The following ADK variants were observed in gnomAD, a reference collection of about 807,000 sequenced individuals.
ADK encodes adenosine kinase, also known as N6,N6-dimethyladenosine kinase.
In ADK, 24 loss-of-function variants were observed where a neutral mutation model predicts 44.7. That is an observed-to-expected ratio of 0.54 (90% CI 0.39 to 0.76). ADK has a LOEUF of 0.76. Ranked by LOEUF, ADK falls within the 30% of genes least tolerant of loss-of-function variation. ADK has a pLI of 0.00. For missense variants in ADK, 321 were observed against 425.1 expected, an observed-to-expected ratio of 0.76 and a Z score of 2.15; for synonymous variants, 128 against 142.6, an observed-to-expected ratio of 0.90 and a Z score of 0.73.
At chr10:74,376,302 G>A (rs1842818145) in intron 4 of ADK, among the ~76,000 whole-genome samples, 1 of 151,924 alleles carries the variant, frequency 6.6e-6, no homozygotes, top group Admixed American at 6.6e-5. Flanking sequence ...GAATTTGTAG[G>A]TTCTTTAGGA....
intron 4 of ADK, chr10:74,371,870 C>G: frequency 7.0e-7 from 1 of 1,437,820 alleles, no homozygotes; most frequent in Non-Finnish European, 9.7e-7. Flanking sequence ...CTAACCACAT[C>G]CAGGCAGCCT....
At chr10:74,658,602 G>A (rs7091300) in intron 9 of ADK, among the ~76,000 whole-genome samples, 122,038 of 151,752 alleles carry the variant, frequency 0.8, 49,423 homozygotes, top group African/African-American at 0.89. Flanking sequence ...TGCCCGGCTG[G>A]CTTTTAATTT....
chr10:74,424,529 C>T (rs1844713578), intron 6 of ADK, among the ~76,000 whole-genome samples: 1 of 86,814 alleles, frequency 1.2e-5, no homozygotes. Context: ...GAGCAAAACT[C>T]CGTCTCAAAA....
intron 3 of ADK, among the ~76,000 whole-genome samples, chr10:74,226,343 G>A (rs867238733): frequency 2.2e-4 from 33 of 152,140 alleles, no homozygotes; most frequent in Admixed American, 4.6e-4. Flanking sequence ...CTGACCTCAA[G>A]CGATCCACCC....
intron 1 of ADK, among the ~76,000 whole-genome samples, chr10:74,192,290 C>T (rs12415222): frequency 0.02 from 2,973 of 151,894 alleles, 45 homozygotes; most frequent in Non-Finnish European, 0.026. Flanking sequence ...TGCAGTGCCG[C>T]GATCTTGGCT....
intron 7 of ADK, among the ~76,000 whole-genome samples, chr10:74,531,731 T>C (rs558386403): frequency 1.3e-5 from 2 of 152,176 alleles, no homozygotes; most frequent in South Asian, 4.2e-4. Flanking sequence ...GAGGTCTCGT[T>C]TTGTTGCCCA....
chr10:74,628,005 A>C (rs1231845052), intron 9 of ADK, among the ~76,000 whole-genome samples: 1 of 152,098 alleles, frequency 6.6e-6, no homozygotes. Flanking sequence ...TTGGTATTTG[A>C]GCATACGAGG....
chr10:74,681,951 G>C (rs1377119703), intron 10 of ADK, among the ~76,000 whole-genome samples: 2 of 152,056 alleles, frequency 1.3e-5, no homozygotes, highest in Non-Finnish European at 2.9e-5. Context: ...ACAGAAGGAG[G>C]GGTTTTTTGT....
At chr10:74,700,399 C>A (rs1289244766) in intron 10 of ADK, among the ~76,000 whole-genome samples, 3 of 152,136 alleles carry the variant, frequency 2.0e-5, no homozygotes, top group African/African-American at 7.2e-5. Context: ...CCCGCCACCA[C>A]ACCCGGCTAA....
chr10:74,601,492 A>G (rs920247851), intron 9 of ADK, among the ~76,000 whole-genome samples: 4 of 152,144 alleles, frequency 2.6e-5, no homozygotes, highest in African/African-American at 9.7e-5. Flanking sequence ...CAAAAGCAAG[A>G]TTCAGAGATT....
chr10:74,266,144 G>T (rs935264712), intron 3 of ADK, among the ~76,000 whole-genome samples: 6 of 152,192 alleles, frequency 3.9e-5, no homozygotes, highest in African/African-American at 1.4e-4. Flanking sequence ...CCTATGTCCA[G>T]CAGCAAAAGG....
chr10:74,484,392 C>T (rs1208175634), intron 6 of ADK, among the ~76,000 whole-genome samples: 2 of 152,150 alleles, frequency 1.3e-5, no homozygotes, highest in Admixed American at 6.6e-5. Context: ...AAAATAAACA[C>T]GTGATTCGGA....
intron 4 of ADK, among the ~76,000 whole-genome samples, chr10:74,361,689 A>G (rs1387399211): frequency 6.6e-6 from 1 of 152,194 alleles, no homozygotes; most frequent in Non-Finnish European, 1.5e-5. Flanking sequence ...TATAACACTC[A>G]TTTTAGTGTT....
intron 6 of ADK, among the ~76,000 whole-genome samples, chr10:74,497,809 C>T (rs1194997469): frequency 6.6e-6 from 1 of 152,090 alleles, no homozygotes; most frequent in Non-Finnish European, 1.5e-5. Context: ...AAGACTGTGT[C>T]TCTAAAAGTA....
chr10:74,478,868 G>A (rs532268140), intron 6 of ADK, among the ~76,000 whole-genome samples: 4 of 152,228 alleles, frequency 2.6e-5, no homozygotes, highest in Non-Finnish European at 4.4e-5. Context: ...AAAAGGATTC[G>A]TTTCACATTT....
At chr10:74,178,761 A>C (rs577931187) in intron 1 of ADK, among the ~76,000 whole-genome samples, 2 of 152,322 alleles carry the variant, frequency 1.3e-5, no homozygotes, top group South Asian at 4.1e-4. Flanking sequence ...TTCAGATGTC[A>C]GTCTGTATTT....
chr10:74,614,719 C>T (rs939460331), intron 9 of ADK, among the ~76,000 whole-genome samples: 4 of 151,180 alleles, frequency 2.6e-5, no homozygotes, highest in African/African-American at 9.7e-5. Flanking sequence ...CCCCCGGGCT[C>T]ACGTTGTATT....
chr10:74,463,803 T>C (rs1183468285), intron 6 of ADK, among the ~76,000 whole-genome samples: 1 of 152,132 alleles, frequency 6.6e-6, no homozygotes, highest in East Asian at 1.9e-4. Flanking sequence ...TATCTTGTCT[T>C]TTTTTTACGT....
At chr10:74,522,680 A>G (rs1848883638) in intron 6 of ADK, among the ~76,000 whole-genome samples, 1 of 152,094 alleles carries the variant, frequency 6.6e-6, no homozygotes, top group Non-Finnish European at 1.5e-5. Flanking sequence ...GCATTATGGA[A>G]ATCGTTGGTC....
Sources: gnomAD v4.1 joint callset for allele counts (sites outside exome capture counted in the v4.1 genomes callset) on GRCh38, gnomAD v4.1.1 for gene constraint, MANE v1.5 for transcripts, NCBI Gene and HGNC (gene_info 2026-07-23, HGNC 2026-07-21) for gene names.